RABGAP1L: variants seen among roughly 807,000 people sequenced by gnomAD.
RABGAP1L encodes the protein rab GTPase-activating protein 1-like.
A neutral mutation model predicts 137.7 loss-of-function variants in RABGAP1L; 63 were observed. The ratio of observed to expected loss-of-function variants is 0.46; its 90% confidence interval spans 0.37 to 0.56. The LOEUF (loss-of-function observed/expected upper bound fraction) is 0.56. Ranked by LOEUF, RABGAP1L falls within the 20% of genes least tolerant of loss-of-function variation. The probability of loss-of-function intolerance (pLI) is 0.00; values close to 1 mark genes in which losing one functional copy is unlikely to be tolerated. For missense variants in RABGAP1L, 1,095 were observed against 1,244.0 expected, an observed-to-expected ratio of 0.88 and a Z score of 1.80; for synonymous variants, 431 against 433.7, an observed-to-expected ratio of 0.99 and a Z score of 0.08.
intron 19 of RABGAP1L, among the ~76,000 whole-genome samples, chr1:174,831,789 A>C (rs926230274): frequency 3.4e-5 from 5 of 148,242 alleles, no homozygotes; most frequent in African/African-American, 1.2e-4. Flanking sequence ...TAAAATAATC[A>C]GACCTGTATA....
At chr1:174,732,977 A>G (rs913617761) in intron 17 of RABGAP1L, among the ~76,000 whole-genome samples, 4 of 142,268 alleles carry the variant, frequency 2.8e-5, no homozygotes, top group Non-Finnish European at 4.5e-5. Context: ...GTGTTTTTTT[A>G]TATAGTAACT....
At chr1:174,338,249 G>T (rs1320930163) in intron 11 of RABGAP1L, among the ~76,000 whole-genome samples, 1 of 152,122 alleles carries the variant, frequency 6.6e-6, no homozygotes, top group Admixed American at 6.6e-5. Flanking sequence ...TATGATTATA[G>T]TCTGTTAAGG....
chr1:174,956,273 A>G (rs1028141520), intron 19 of RABGAP1L, among the ~76,000 whole-genome samples: 1 of 151,384 alleles, frequency 6.6e-6, no homozygotes, highest in Non-Finnish European at 1.5e-5. Flanking sequence ...GTCATAGTGC[A>G]CTGCAGCCTG....
chr1:174,556,639 C>G (rs549642670), intron 13 of RABGAP1L, among the ~76,000 whole-genome samples: 1 of 152,330 alleles, frequency 6.6e-6, no homozygotes, highest in African/African-American at 2.4e-5. Context: ...AAATAATAGA[C>G]ATTACACATT....
chr1:174,267,281 A>C (rs1674152380), intron 7 of RABGAP1L, among the ~76,000 whole-genome samples: 2 of 152,200 alleles, frequency 1.3e-5, no homozygotes, highest in African/African-American at 4.8e-5. Flanking sequence ...AGCAACAATG[A>C]ATATTATGTC....
chr1:174,877,441 G>T, intron 19 of RABGAP1L: 1 of 1,605,794 alleles, frequency 6.2e-7, no homozygotes, highest in Non-Finnish European at 8.5e-7. Flanking sequence ...TCCTTGGATA[G>T]TCTGGTCTGG....
chr1:174,225,920 C>T (rs1670136721), intron 3 of RABGAP1L, among the ~76,000 whole-genome samples: 1 of 151,926 alleles, frequency 6.6e-6, no homozygotes, highest in African/African-American at 2.4e-5. Context: ...GTATTTTAGC[C>T]TTTGAGACAC....
chr1:174,395,937 A>G (rs1156412857), intron 13 of RABGAP1L, among the ~76,000 whole-genome samples: 1 of 152,070 alleles, frequency 6.6e-6, no homozygotes, highest in Admixed American at 6.6e-5. Flanking sequence ...AAAATGATGT[A>G]CGTCTACTTG....
intron 13 of RABGAP1L, among the ~76,000 whole-genome samples, chr1:174,608,614 C>G (rs1186837494): frequency 6.6e-6 from 1 of 151,966 alleles, no homozygotes; most frequent in Non-Finnish European, 1.5e-5. Flanking sequence ...TACACAAAAG[C>G]CTTGAAGCTT....
At chr1:174,616,051 C>T (rs1671820371) in intron 13 of RABGAP1L, among the ~76,000 whole-genome samples, 2 of 152,232 alleles carry the variant, frequency 1.3e-5, no homozygotes, top group African/African-American at 2.4e-5. Flanking sequence ...AATGTCTTGC[C>T]CTGCTTTGGC....
At chr1:174,957,926 T>C (rs1214545101) in intron 20 of RABGAP1L, 2 of 1,583,046 alleles carry the variant, frequency 1.3e-6, no homozygotes, top group Non-Finnish European at 1.7e-6. Context: ...CTGTTGCATT[T>C]ATACTGGGAA....
intron 18 of RABGAP1L, among the ~76,000 whole-genome samples, chr1:174,759,304 A>AG (rs1032654279): frequency 2.8e-5 from 4 of 141,248 alleles, no homozygotes; most frequent in Non-Finnish European, 6.3e-5. Flanking sequence ...AAAAAAAAAA[A>AG]GAAGTTTCAG....
At chr1:174,817,032 C>T (rs1341944646) in intron 19 of RABGAP1L, among the ~76,000 whole-genome samples, 2 of 151,908 alleles carry the variant, frequency 1.3e-5, no homozygotes, top group Non-Finnish European at 1.5e-5. Flanking sequence ...CTCGGTCAGT[C>T]CTTTTTTTTT....
intron 13 of RABGAP1L, among the ~76,000 whole-genome samples, chr1:174,604,663 A>G (rs1572475791): frequency 1.3e-5 from 2 of 152,290 alleles, no homozygotes; most frequent in East Asian, 3.9e-4. Context: ...AAGTGATGAT[A>G]CCAGTCATTT....
chr1:174,373,485 A>G (rs1159926343), intron 12 of RABGAP1L, among the ~76,000 whole-genome samples: 1 of 152,208 alleles, frequency 6.6e-6, no homozygotes, highest in African/African-American at 2.4e-5. Flanking sequence ...TGAGGAGCTG[A>G]TGCAGGGATC....
intron 19 of RABGAP1L, among the ~76,000 whole-genome samples, chr1:174,867,287 A>G (rs1651430038): frequency 6.6e-6 from 1 of 151,966 alleles, no homozygotes; most frequent in African/African-American, 2.4e-5. Context: ...AAGATGAGGC[A>G]GGAGAAATGC....
At chr1:174,808,666 T>G (rs1689573937) in intron 18 of RABGAP1L, among the ~76,000 whole-genome samples, 1 of 151,932 alleles carries the variant, frequency 6.6e-6, no homozygotes, top group Non-Finnish European at 1.5e-5. Context: ...TTCTTTTTTT[T>G]TTTTGAGACA....
chr1:174,428,377 C>T (rs891998514), intron 13 of RABGAP1L, among the ~76,000 whole-genome samples: 1 of 152,008 alleles, frequency 6.6e-6, no homozygotes, highest in African/African-American at 2.4e-5. Context: ...ACAGTTAAGA[C>T]ATTTCTTTAG....
intron 11 of RABGAP1L, among the ~76,000 whole-genome samples, chr1:174,363,961 G>A (rs1415372731): frequency 2.0e-5 from 3 of 151,518 alleles, no homozygotes; most frequent in Non-Finnish European, 4.4e-5. Flanking sequence ...GTATTTTGTT[G>A]CCAATTTTGG....
Sources: allele counts gnomAD v4.1 joint callset (sites outside exome capture counted in the v4.1 genomes callset), GRCh38; gene constraint gnomAD v4.1.1; transcripts MANE v1.5; gene names NCBI Gene and HGNC (gene_info 2026-07-23, HGNC 2026-07-21).